BMPR1B: variants seen among roughly 807,000 people sequenced by gnomAD.
The protein encoded by BMPR1B is bone morphogenetic protein receptor type 1B.
A neutral mutation model predicts 59.1 loss-of-function variants in BMPR1B; 12 were observed. That is an observed-to-expected ratio of 0.20 (90% CI 0.13 to 0.33). The LOEUF is 0.33. Ranked by LOEUF, BMPR1B falls within the 10% of genes least tolerant of loss-of-function variation. The pLI is 1.00. For synonymous variants in BMPR1B, 237 were observed against 207.3 expected (o/e 1.14, Z -1.23); for missense variants, 550 against 610.9 (o/e 0.90, Z 1.05).
At chr4:94,891,160 T>G (rs1727378975) in intron 2 of BMPR1B, among the ~76,000 whole-genome samples, 1 of 152,120 alleles carries the variant, frequency 6.6e-6, no homozygotes, top group African/African-American at 2.4e-5. Flanking sequence ...TTAGTATTTG[T>G]GTGGTACATT....
chr4:94,789,602 A>T (rs760293141), intron 1 of BMPR1B, among the ~76,000 whole-genome samples: 1 of 152,250 alleles, frequency 6.6e-6, no homozygotes, highest in Non-Finnish European at 1.5e-5. Context: ...TAAAATAAAC[A>T]TAAAATAAAT....
At chr4:95,064,337 C>T (rs186379499) in intron 3 of BMPR1B, among the ~76,000 whole-genome samples, 2 of 152,272 alleles carry the variant, frequency 1.3e-5, no homozygotes, top group South Asian at 2.1e-4. Context: ...TGAGTTGTGC[C>T]TCCTGTCAGA....
intron 2 of BMPR1B, among the ~76,000 whole-genome samples, chr4:94,900,168 A>G (rs1194805454): frequency 6.6e-6 from 1 of 151,810 alleles, no homozygotes; most frequent in African/African-American, 2.4e-5. Flanking sequence ...ATAACATTCC[A>G]TGCTGAGTGC....
chr4:95,001,894 C>T (rs1722476599), intron 3 of BMPR1B, among the ~76,000 whole-genome samples: 1 of 152,044 alleles, frequency 6.6e-6, no homozygotes, highest in South Asian at 2.1e-4. Context: ...CTCTTTGGCT[C>T]CATCCATTCT....
chr4:94,895,959 C>CAT (rs1198563300), intron 2 of BMPR1B, among the ~76,000 whole-genome samples: 1 of 151,946 alleles, frequency 6.6e-6, no homozygotes, highest in Non-Finnish European at 1.5e-5. Flanking sequence ...CACAAATATA[C>CAT]ATATATATTT....
chr4:95,027,854 T>G (rs1017675980), intron 3 of BMPR1B, among the ~76,000 whole-genome samples: 1 of 152,196 alleles, frequency 6.6e-6, no homozygotes, highest in South Asian at 2.1e-4. Flanking sequence ...TGTGTATTAC[T>G]GTCTAGTTGA....
chr4:94,875,365 A>G (rs1397969809), intron 1 of BMPR1B, among the ~76,000 whole-genome samples: 1 of 152,280 alleles, frequency 6.6e-6, no homozygotes, highest in East Asian at 1.9e-4. Context: ...GATGTGCTTT[A>G]TTTTTAGTAC....
intron 1 of BMPR1B, among the ~76,000 whole-genome samples, chr4:94,837,707 G>A (rs993114508): frequency 2.9e-5 from 4 of 136,454 alleles, no homozygotes; most frequent in Non-Finnish European, 6.4e-5. Flanking sequence ...TCTGCAAAGA[G>A]GGACAATTTG....
chr4:95,152,911 A>T lies in BMPR1B; in HGVS notation c.1383+138A>T, dbSNP rs567140797. 8 of 1,125,374 alleles carry T rather than the reference A, an allele frequency of 7.1e-6. No homozygotes were observed. The African/African-American group carries it at 1.2e-4, about 18-fold the overall frequency. The allele number at this position is 1,125,374 out of a possible 1,614,324, so 69.7% of individuals were successfully genotyped here. On this transcript the variant is annotated intron_variant, in intron 12 of 12. Coordinates refer to ENST00000515059, the MANE Select transcript of BMPR1B (RefSeq NM_001203.3). ...TGATGGCGCCTCATTGCAGTAATTTATATGAAGATAAGTGTAGTATGTTAA... is the reference window on the plus strand; with the variant it reads ...TGATGGCGCCTCATTGCAGTAATTTTTATGAAGATAAGTGTAGTATGTTAA...
rs138578194 is a variant in BMPR1B at position 95,128,957 on chromosome 4, C to G, written c.586-905C>G. ...TTCTCTCATTCTCTTTCTTTCTTCT[C>G]TCCCTCCATTTTTTTTTGTTCTCCT... On this transcript the variant is annotated intron_variant, in intron 8 of 12. Coordinates refer to ENST00000515059, the MANE Select transcript of BMPR1B (RefSeq NM_001203.3). 6.4e-4 allele frequency among the ~76,000 whole-genome samples: 97 copies of G among 152,054 alleles called. 1 individual carries two copies. Among genetic ancestry groups the G allele is most frequent in the African/African-American group, 2.0e-3 (85 of 41,478 alleles).
chr4:94,913,696 G>A (rs1250898936), intron 2 of BMPR1B, among the ~76,000 whole-genome samples: 1 of 151,918 alleles, frequency 6.6e-6, no homozygotes, highest in South Asian at 2.1e-4. Flanking sequence ...TCTGTGATAA[G>A]CCAGGTGGTG....
intron 2 of BMPR1B, among the ~76,000 whole-genome samples, chr4:94,881,116 T>C (rs1726951763): frequency 6.6e-6 from 1 of 152,162 alleles, no homozygotes; most frequent in South Asian, 2.1e-4. Context: ...GCATTCAGTA[T>C]GTTTACATTC....
At chr4:94,997,414 G>C (rs1481890015) in intron 3 of BMPR1B, among the ~76,000 whole-genome samples, 1 of 152,154 alleles carries the variant, frequency 6.6e-6, no homozygotes, top group Non-Finnish European at 1.5e-5. Flanking sequence ...ACAACAGGTA[G>C]AATATGTTTA....
At chr4:95,014,659 C>G (rs990785340) in intron 3 of BMPR1B, among the ~76,000 whole-genome samples, 5 of 152,114 alleles carry the variant, frequency 3.3e-5, no homozygotes. Context: ...ATTATAATAT[C>G]AGAATTCTAA....
chr4:95,149,409 T>G (rs1218281537), intron 11 of BMPR1B, among the ~76,000 whole-genome samples: 1 of 152,178 alleles, frequency 6.6e-6, no homozygotes, highest in Admixed American at 6.5e-5. Flanking sequence ...ATAAAGCAAT[T>G]TGAAAACATC....
chr4:95,109,442 C>T (rs1731450949), intron 4 of BMPR1B, among the ~76,000 whole-genome samples: 1 of 152,062 alleles, frequency 6.6e-6, no homozygotes, highest in South Asian at 2.1e-4. Flanking sequence ...AAACCTCTTA[C>T]TGAGTGTGGT....
chr4:95,136,045 C>G (rs1264912288), intron 10 of BMPR1B, among the ~76,000 whole-genome samples: 1 of 152,088 alleles, frequency 6.6e-6, no homozygotes, highest in Non-Finnish European at 1.5e-5. Context: ...CCATCAATAA[C>G]TAGTTTTTTG....
intron 3 of BMPR1B, among the ~76,000 whole-genome samples, chr4:95,074,634 T>G (rs1339695361): frequency 2.6e-5 from 4 of 152,128 alleles, no homozygotes; most frequent in Non-Finnish European, 5.9e-5. Flanking sequence ...ATACAAATAA[T>G]ATAAGGATGC....
intron 6 of BMPR1B, among the ~76,000 whole-genome samples, chr4:95,117,880 G>A (rs1345840462): frequency 6.6e-6 from 1 of 152,114 alleles, no homozygotes; most frequent in East Asian, 1.9e-4. Context: ...ATCTGAGGAG[G>A]ATGTAGGAAT....
Sources: gnomAD v4.1 joint callset for allele counts (sites outside exome capture counted in the v4.1 genomes callset) on GRCh38, gnomAD v4.1.1 for gene constraint, MANE v1.5 for transcripts, NCBI Gene and HGNC (gene_info 2026-07-23, HGNC 2026-07-21) for gene names.